Variants in PAK6 observed in about 807,000 individuals in gnomAD.
The protein encoded by PAK6 is p21 (RAC1) activated kinase 6, also known as serine/threonine-protein kinase PAK 6.
In PAK6, 33 loss-of-function variants were observed where a neutral mutation model predicts 60.8. The observed-to-expected ratio is 0.54, with a 90% CI of 0.41 to 0.73. PAK6 has a LOEUF of 0.73. Ranked by LOEUF, PAK6 falls within the 30% of genes least tolerant of loss-of-function variation. The pLI, the probability that PAK6 is intolerant of heterozygous loss-of-function variation, is 0.00. For missense variants in PAK6, 845 were observed against 904.1 expected (o/e 0.93, Z 0.84); for synonymous variants, 404 against 378.5 (o/e 1.07, Z -0.78).
In PAK6 at chr15:40,272,582, TGCTGGACA is replaced by T; in HGVS notation, c.1221_1228del (p.Asp408ArgfsTer90). ...GTGGACCAGGGTGACCCCCGGCTGC[TGCTGGACA>T]GCTACGTGAAGATTGGCGAGGGCTC... On this transcript the variant is annotated frameshift_variant, in exon 6 of 11. Transcript: ENST00000560346. LOFTEE classifies it high-confidence loss of function. The T allele has an allele frequency of 6.2e-7, 1 of 1,613,194 alleles. No individual in the cohort carries two copies. The highest frequency in any genetic ancestry group is 8.5e-7 in the Non-Finnish European group (1 of 1,180,020).
intron 3 of PAK6, among the ~76,000 whole-genome samples, chr15:40,260,914 A>G (rs955888987): frequency 4.7e-5 from 7 of 149,156 alleles, no homozygotes; most frequent in Non-Finnish European, 8.9e-5. Context: ...TTTGAGACAG[A>G]GTCTCGCTCT....
At chr15:40,267,392 T>C (rs2039173101) in intron 5 of PAK6, among the ~76,000 whole-genome samples, 2 of 152,178 alleles carry the variant, frequency 1.3e-5, no homozygotes, top group South Asian at 4.1e-4. Flanking sequence ...GCGTGGTGGC[T>C]CACGTCTGTA....
exon 5 of PAK6, chr15:40,266,212 G>A: frequency 5.0e-6 from 8 of 1,609,902 alleles, no homozygotes; most frequent in Non-Finnish European, 6.8e-6. Flanking sequence ...TCGCAGCGCT[G>A]TCTGCAGCTG....
chr15:40,274,830 G>A (rs2039404848), intron 10 of PAK6, among the ~76,000 whole-genome samples: 1 of 152,186 alleles, frequency 6.6e-6, no homozygotes, highest in African/African-American at 2.4e-5. Context: ...AACCCCGCAG[G>A]CCTTACTGTG....
chr15:40,256,523 C>T (rs2038838775), intron 3 of PAK6, among the ~76,000 whole-genome samples: 1 of 152,150 alleles, frequency 6.6e-6, no homozygotes, highest in African/African-American at 2.4e-5. Context: ...GAGTGCTTTC[C>T]TAAGTTTTGT....
chr15:40,272,752 G>A, intron 6 of PAK6, 31 bp downstream of exon 6: 6 of 1,578,008 alleles, frequency 3.8e-6, no homozygotes, highest in Non-Finnish European at 5.2e-6. Context: ...ACAGACGGGG[G>A]CGTTGGGGAT....
Position 40,257,972 on chromosome 15 carries a change from A to G in PAK6, c.-6+4683A>G, listed in dbSNP as rs539851688. ...TCGCCTGGCTTCAGGCTGAGCCCCT[A>G]CAGAGGGGCTGTGGATGCATCCTGT... On this transcript the variant is annotated intron_variant, in intron 3 of 10. Coordinates refer to ENST00000560346, the Ensembl canonical transcript of PAK6. Among the ~76,000 whole-genome samples the G allele has an allele frequency of 9.9e-5, 15 of 152,258 alleles. No homozygotes were observed. The South Asian group carries it at 1.0e-3, about 11-fold the overall frequency.
chr15:40,254,021 C>G (rs1268692300), intron 3 of PAK6, among the ~76,000 whole-genome samples: 2 of 152,246 alleles, frequency 1.3e-5, no homozygotes, highest in Non-Finnish European at 1.5e-5. Flanking sequence ...TGGTTCCATG[C>G]AAGGTGAGGT....
intron 2 of PAK6, among the ~76,000 whole-genome samples, chr15:40,243,025 C>T (rs907635256): frequency 1.3e-5 from 2 of 152,180 alleles, no homozygotes; most frequent in African/African-American, 2.4e-5. Flanking sequence ...CAGAAACAAG[C>T]GGAGCCACAA....
At position 40,265,826 on chromosome 15, in the gene PAK6, T is replaced by A; in HGVS notation, c.205-16T>A. 6.6e-7 allele frequency: 1 copy of A among 1,505,840 alleles called. No individual in the cohort carries two copies. Among genetic ancestry groups the A allele is most frequent in the Non-Finnish European group, 8.9e-7 (1 of 1,126,158 alleles). 93.3% of individuals were successfully genotyped at this position (1,505,840 alleles called of 1,614,324 possible). A position where few individuals can be genotyped will look rare whatever the true frequency, so the allele number is the denominator to read the frequency against. ...ATTGGGCAGCTCCCACACACTCTTT[T>A]CTCTTCCCCCTACAGACAGTGGTGC... On this transcript the variant is annotated splice_polypyrimidine_tract_variant and intron_variant, in intron 4 of 10. Transcript: ENST00000560346.
rs771529071 is a variant in PAK6, at chr15:40,264,776, T to G, written c.-5-5T>G. The G allele has an allele frequency of 6.2e-7, 1 of 1,613,456 alleles. No homozygotes were observed. Among genetic ancestry groups the G allele is most frequent in the Non-Finnish European group, 8.5e-7 (1 of 1,179,894 alleles). On this transcript the variant is annotated splice_polypyrimidine_tract_variant and splice_region_variant and intron_variant, in intron 3 of 10. Transcript: ENST00000560346. ...AGGGAGCTCAACCTTACTCTGCACTTACAGGCACCATGTTCCGCAAGAAAA... is the reference window on the plus strand; with the variant it reads ...AGGGAGCTCAACCTTACTCTGCACTGACAGGCACCATGTTCCGCAAGAAAA...
rs766558377 is a variant in PAK6 at position 40,273,693 on chromosome 15, C to T, written c.1743+17C>T. 3 of 1,607,840 alleles carry T rather than the reference C, an allele frequency of 1.9e-6. No homozygotes were observed. In the South Asian group the frequency reaches 3.3e-5, roughly 18 times the overall value. On this transcript the variant is annotated intron_variant, in intron 9 of 10. Coordinates refer to ENST00000560346, the Ensembl canonical transcript of PAK6. ...GCCACTGAGGTAACCGTTCCCTCCA[C>T]CCCCCAGACCTCCCAAAAGCAACTT...
intron 3 of PAK6, chr15:40,263,880 G>A (rs1422488222): frequency 8.8e-6 from 4 of 455,838 alleles, no homozygotes; most frequent in Non-Finnish European, 1.8e-5. Context: ...GCCTCCCAGA[G>A]TACTAGGATT....
intron 2 of PAK6, among the ~76,000 whole-genome samples, chr15:40,247,775 C>G (rs975943022): frequency 6.6e-6 from 1 of 152,162 alleles, no homozygotes; most frequent in African/African-American, 2.4e-5. Context: ...GGCTCTCTTT[C>G]CGGAACCCGG....
chr15:40,269,997 A>C (rs2039257627), intron 5 of PAK6, among the ~76,000 whole-genome samples: 1 of 152,248 alleles, frequency 6.6e-6, no homozygotes, highest in Non-Finnish European at 1.5e-5. Context: ...ATGAGAGGTC[A>C]TCAGAGCCAC....
At chr15:40,262,559 G>A (rs2039011842) in intron 3 of PAK6, among the ~76,000 whole-genome samples, 1 of 152,106 alleles carries the variant, frequency 6.6e-6, no homozygotes, top group South Asian at 2.1e-4. Context: ...AGGCCAAAAG[G>A]AGGAGGACAA....
At chr15:40,249,516 A>G (rs1240395809) in intron 2 of PAK6, among the ~76,000 whole-genome samples, 1 of 152,222 alleles carries the variant, frequency 6.6e-6, no homozygotes, top group Non-Finnish European at 1.5e-5. Context: ...GAAGCATGCC[A>G]TCATTGGCAG....
Position 40,274,137 on chromosome 15 carries a change from T to C in PAK6, c.1744-5T>C, listed in dbSNP as rs770774356. 5.0e-6 allele frequency: 8 copies of C among 1,613,914 alleles called. No homozygotes were observed. In the East Asian group the frequency reaches 1.1e-4, roughly 22 times the overall value. On this transcript the variant is annotated splice_polypyrimidine_tract_variant and splice_region_variant and intron_variant, in intron 9 of 10. Transcript: ENST00000560346. ...CATGGGGTCAGGGACATTTTCCTCC[T>C]GCAGGTGGATATCTGGTCTCTGGGC...
chr15:40,251,025 G>A (rs1258162942), intron 2 of PAK6: 1 of 152,514 alleles, frequency 6.6e-6, no homozygotes, highest in Non-Finnish European at 1.5e-5. Context: ...CTCATCCAAG[G>A]CCTAGCAGTC....
Sources: allele counts gnomAD v4.1 joint callset (sites outside exome capture counted in the v4.1 genomes callset), GRCh38; gene constraint gnomAD v4.1.1; transcripts MANE v1.5; gene names NCBI Gene and HGNC (gene_info 2026-07-23, HGNC 2026-07-21).